The following FARP2 variants were observed in gnomAD, a reference collection of about 807,000 sequenced individuals.
FARP2 encodes the protein FERM, ARH/RhoGEF and pleckstrin domain protein 2, also known as FERM, ARHGEF and pleckstrin domain-containing protein 2.
Under a neutral mutation model 130.5 loss-of-function variants are expected in FARP2, and 111 were observed. The ratio of observed to expected loss-of-function variants is 0.85; its 90% confidence interval spans 0.73 to 1.00. The LOEUF (loss-of-function observed/expected upper bound fraction) is 1.00. Ranked by LOEUF, FARP2 falls within the 50% of genes least tolerant of loss-of-function variation. The pLI is 0.00. For synonymous variants in FARP2, 504 were observed against 516.9 expected (o/e 0.98, Z 0.34); for missense variants, 1,385 against 1,346.3 (o/e 1.03, Z -0.45).
chr2:241,366,324 A>G (rs2061320281), intron 1 of FARP2, among the ~76,000 whole-genome samples: 1 of 151,606 alleles, frequency 6.6e-6, no homozygotes, highest in African/African-American at 2.4e-5. Flanking sequence ...AGAATCAGTT[A>G]TCCAGATTCA....
At chr2:241,380,471 G>A (rs2061635526) in intron 2 of FARP2, among the ~76,000 whole-genome samples, 1 of 152,092 alleles carries the variant, frequency 6.6e-6, no homozygotes, top group Non-Finnish European at 1.5e-5. Flanking sequence ...AGCTTGTACA[G>A]GTTGAGTATC....
rs2063376513 is a variant in FARP2, at chr2:241,441,301, C to A, written c.1159-3C>A. 1 of 1,568,658 alleles carries A rather than the reference C, an allele frequency of 6.4e-7. No homozygotes were observed. The highest frequency in any genetic ancestry group is 1.4e-5 in the African/African-American group (1 of 72,838). The stretch of plus-strand genomic sequence containing the variant: ...TTTTTCTTTTCTTAACTTTGGTTCC[C>A]AGAGCATCTCATTCCCCGAGGGATT... On this transcript the variant is annotated splice_region_variant and splice_polypyrimidine_tract_variant and intron_variant, in intron 12 of 26. Transcript: ENST00000264042.
At chr2:241,405,219 TATAATA>T (rs927403564) in intron 4 of FARP2, 1 of 159,508 alleles carries the variant, frequency 6.3e-6, no homozygotes, top group African/African-American at 2.4e-5. Flanking sequence ...TAATTGTGAA[TATAATA>T]ATAACAATTA....
At chr2:241,483,021 G>A (rs868070605) in intron 19 of FARP2, among the ~76,000 whole-genome samples, 2 of 135,324 alleles carry the variant, frequency 1.5e-5, no homozygotes, top group African/African-American at 2.7e-5. Flanking sequence ...TCCCATTCTC[G>A]AACCTGCTCC....
intron 8 of FARP2, among the ~76,000 whole-genome samples, chr2:241,426,021 C>T (rs2062931928): frequency 6.6e-6 from 1 of 151,852 alleles, no homozygotes; most frequent in Non-Finnish European, 1.5e-5. Context: ...TTTTTTCACA[C>T]ATGTAGATTT....
intron 19 of FARP2, among the ~76,000 whole-genome samples, chr2:241,476,747 AC>A (rs2064478225): frequency 1.3e-5 from 2 of 152,198 alleles, no homozygotes; most frequent in South Asian, 4.1e-4. Context: ...ATACACACAT[AC>A]ATACATACAA....
rs1012212620 is a variant in FARP2, at chr2:241,413,558, G to A, written c.623+137G>A. 4 of 656,582 alleles carry A rather than the reference G, an allele frequency of 6.1e-6. No homozygotes were observed. The African/African-American group carries it at 7.3e-5, about 12-fold the overall frequency. 40.7% of individuals were successfully genotyped at this position (656,582 alleles called of 1,614,324 possible). On this transcript the variant is annotated intron_variant, in intron 7 of 26. Transcript: ENST00000264042. ...ATTGCTCCTGGCCTCAGGATGTGCA[G>A]CTGCTGCCAGAGGCAGCTTGGCAGA...
At chr2:241,439,699 C>G (rs1184831166) in intron 12 of FARP2, among the ~76,000 whole-genome samples, 3 of 152,154 alleles carry the variant, frequency 2.0e-5, no homozygotes, top group African/African-American at 7.2e-5. Context: ...AGTGACTCAA[C>G]AGCTGTAATA....
intron 13 of FARP2, among the ~76,000 whole-genome samples, chr2:241,449,179 G>A (rs2063585068): frequency 6.6e-6 from 1 of 152,104 alleles, no homozygotes; most frequent in African/African-American, 2.4e-5. Flanking sequence ...AATTCATTTG[G>A]CCGGGCGCGG....
chr2:241,438,154 G>A (rs972774401), intron 12 of FARP2, among the ~76,000 whole-genome samples: 12 of 152,006 alleles, frequency 7.9e-5, no homozygotes, highest in African/African-American at 2.9e-4. Flanking sequence ...CTTTCTTCAT[G>A]GTGCTACAGT....
intron 21 of FARP2, chr2:241,488,416 G>GTTTTTT (rs35309753): frequency 7.9e-6 from 1 of 125,964 alleles, no homozygotes; most frequent in African/African-American, 3.0e-5. Flanking sequence ...TACTTTTTTG[G>GTTTTTT]TTTTTTTTTT....
At chr2:241,487,737 T>G (rs191044950) in intron 21 of FARP2, among the ~76,000 whole-genome samples, 1 of 132,842 alleles carries the variant, frequency 7.5e-6, no homozygotes, top group East Asian at 2.5e-4. Flanking sequence ...TAGCTTAGCC[T>G]AGCCTACTCT....
intron 1 of FARP2, among the ~76,000 whole-genome samples, chr2:241,359,988 C>T (rs1033240675): frequency 5.9e-5 from 9 of 152,164 alleles, no homozygotes; most frequent in Non-Finnish European, 7.4e-5. Context: ...TTGTCTTGGA[C>T]CTTGTCCTCT....
intron 18 of FARP2, among the ~76,000 whole-genome samples, chr2:241,470,696 G>A (rs772696840): frequency 6.6e-6 from 1 of 151,454 alleles, no homozygotes; most frequent in African/African-American, 2.5e-5. Context: ...GTTCTGATGG[G>A]GATGCACTCT....
chr2:241,468,113 A>G (rs543103371), intron 17 of FARP2, 27 bp from the exon 18 acceptor site: 2 of 1,464,754 alleles, frequency 1.4e-6, no homozygotes, highest in Non-Finnish European at 1.9e-6. Context: ...CTCCTCACCT[A>G]AAGGCCCCAC....
chr2:241,490,093 G>T, intron 22 of FARP2, 49 bp downstream of exon 22: 1 of 1,355,842 alleles, frequency 7.4e-7, no homozygotes, highest in Non-Finnish European at 1.1e-6. Flanking sequence ...ATGGAGGGGT[G>T]GGGACTTCCT....
At chr2:241,474,103 G>A (rs945820555) in intron 18 of FARP2, among the ~76,000 whole-genome samples, 3 of 151,656 alleles carry the variant, frequency 2.0e-5, no homozygotes, top group Non-Finnish European at 2.9e-5. Context: ...TCAGGAGATC[G>A]AGACCATCCT....
rs997713584 is a variant in FARP2, at chr2:241,465,929, C to G, written c.1893+1949C>G. On this transcript the variant is annotated intron_variant, in intron 17 of 26. Coordinates refer to ENST00000264042, the MANE Select transcript of FARP2 (RefSeq NM_014808.4). Reference sequence around the variant, plus strand: ...CAGCCTAGGTGCCCTTTTCCTGCCTCGACGGAAGCTGAGTCAGGTTGTTAA... The same window carrying G: ...CAGCCTAGGTGCCCTTTTCCTGCCTGGACGGAAGCTGAGTCAGGTTGTTAA... 5.6e-6 allele frequency: 8 copies of G among 1,419,942 alleles called. No homozygotes were observed. In the African/African-American group the frequency reaches 5.8e-5, roughly 10 times the overall value. The allele number at this position is 1,419,942 out of a possible 1,614,324, so 88.0% of individuals were successfully genotyped here.
chr2:241,415,326 A>G (rs1006199506), intron 7 of FARP2, among the ~76,000 whole-genome samples: 1 of 152,156 alleles, frequency 6.6e-6, no homozygotes, highest in Non-Finnish European at 1.5e-5. Context: ...ACCTTGACCC[A>G]TGGAGCCAAG....
Sources: allele counts gnomAD v4.1 joint callset (sites outside exome capture counted in the v4.1 genomes callset), GRCh38; gene constraint gnomAD v4.1.1; transcripts MANE v1.5; gene names NCBI Gene and HGNC (gene_info 2026-07-23, HGNC 2026-07-21).